CFDP1: variants seen among roughly 807,000 people sequenced by gnomAD.
The protein encoded by CFDP1 is chromatin remodeling protein CFDP1.
CFDP1 carries 31 observed loss-of-function variants against 40.1 expected under a neutral mutation model. The observed-to-expected ratio is 0.77, with a 90% CI of 0.58 to 1.04. The LOEUF is 1.04. CFDP1 is among the 50% of genes least tolerant of loss of function. CFDP1 has a pLI of 0.00. For missense variants in CFDP1, 423 were observed against 343.4 expected (o/e 1.23, Z -1.83); for synonymous variants, 167 against 120.0 (o/e 1.39, Z -2.56).
chr16:75,391,784 C>T (rs1018910114), intron 5 of CFDP1, among the ~76,000 whole-genome samples: 7 of 151,824 alleles, frequency 4.6e-5, no homozygotes, highest in African/African-American at 1.7e-4. Flanking sequence ...GCCTGGACAA[C>T]ATGGTGAAAC....
intron 5 of CFDP1, among the ~76,000 whole-genome samples, chr16:75,385,587 T>C (rs185583828): frequency 1.0e-3 from 159 of 152,214 alleles, no homozygotes; most frequent in South Asian, 1.4e-3. Flanking sequence ...GCATAGTACA[T>C]AGAAATATCA....
intron 5 of CFDP1, among the ~76,000 whole-genome samples, chr16:75,340,025 T>A (rs2078515747): frequency 6.6e-6 from 1 of 152,216 alleles, no homozygotes; most frequent in Non-Finnish European, 1.5e-5. Context: ...CTCATACTAG[T>A]TTTTGCATGC....
intron 1 of CFDP1, among the ~76,000 whole-genome samples, chr16:75,421,204 G>GA (rs1453144250): frequency 3.9e-5 from 6 of 152,150 alleles, no homozygotes; most frequent in Admixed American, 2.0e-4. Context: ...TGCAAGGCAG[G>GA]AAGCACAGCA....
intron 5 of CFDP1, among the ~76,000 whole-genome samples, chr16:75,310,270 A>T (rs953479737): frequency 1.3e-5 from 2 of 152,210 alleles, no homozygotes; most frequent in African/African-American, 4.8e-5. Flanking sequence ...ATACTGGTGA[A>T]AGAGACACTT....
intron 6 of CFDP1, among the ~76,000 whole-genome samples, chr16:75,303,422 T>C (rs991576394): frequency 6.6e-6 from 1 of 151,766 alleles, no homozygotes; most frequent in African/African-American, 2.4e-5. Context: ...TATGTATGTA[T>C]GTATGTTTAG....
intron 4 of CFDP1, among the ~76,000 whole-genome samples, chr16:75,401,531 C>T (rs567372146): frequency 6.6e-6 from 1 of 151,580 alleles, no homozygotes; most frequent in Non-Finnish European, 1.5e-5. Context: ...ACCCAGGAGG[C>T]AGAGGTTTCA....
intron 4 of CFDP1, among the ~76,000 whole-genome samples, chr16:75,400,072 G>A (rs2079036537): frequency 7.4e-6 from 1 of 134,522 alleles, no homozygotes; most frequent in African/African-American, 2.9e-5. Flanking sequence ...TTGCACTCCA[G>A]CCTGGGCAAC....
chr16:75,385,836 T>C (rs1346460836), intron 5 of CFDP1, among the ~76,000 whole-genome samples: 1 of 152,216 alleles, frequency 6.6e-6, no homozygotes, highest in Non-Finnish European at 1.5e-5. Flanking sequence ...AATCATCTTC[T>C]TAAATGAAGG....
intron 5 of CFDP1, among the ~76,000 whole-genome samples, chr16:75,380,817 A>T (rs1177689981): frequency 1.3e-5 from 2 of 152,204 alleles, no homozygotes; most frequent in Non-Finnish European, 2.9e-5. Flanking sequence ...CCACTTTTTA[A>T]AACCAGGTCA....
chr16:75,304,907 T>A (rs916303027), intron 6 of CFDP1, 117 bp downstream of exon 6: 11 of 1,104,538 alleles, frequency 1.0e-5, no homozygotes, highest in African/African-American at 1.6e-5. Context: ...GTGCTCACAT[T>A]TTTAGTTCCA....
At chr16:75,414,503 A>G in intron 2 of CFDP1, 75 bp downstream of exon 2, 1 of 871,032 alleles carries the variant, frequency 1.1e-6, no homozygotes, top group Non-Finnish European at 1.9e-6. Flanking sequence ...TAAATCTATC[A>G]TGAGACCAAT....
rs2079356412 is a variant in CFDP1 at position 75,427,649 on chromosome 16, T to C, written c.64+5640A>G. Among the ~76,000 whole-genome samples, 4 of 152,148 alleles carry C rather than the reference T, an allele frequency of 2.6e-5. No individual in the cohort carries two copies. The South Asian group carries it at 8.3e-4, about 32-fold the overall frequency. On this transcript the variant is annotated intron_variant, in intron 1 of 6. Coordinates refer to ENST00000283882, the MANE Select transcript of CFDP1 (RefSeq NM_006324.3). ...GAGCAACTTGAACTCTCAAACTTGT[T>C]ACCAACAGCAATCAAGCCACAAAAA...
At chr16:75,345,541 A>G (rs992707499) in intron 5 of CFDP1, among the ~76,000 whole-genome samples, 2 of 152,182 alleles carry the variant, frequency 1.3e-5, no homozygotes, top group Non-Finnish European at 2.9e-5. Context: ...TAAGAGGCTG[A>G]GCAAGAGGAA....
At chr16:75,320,666 A>T (rs960559336) in intron 5 of CFDP1, among the ~76,000 whole-genome samples, 1 of 152,294 alleles carries the variant, frequency 6.6e-6, no homozygotes, top group South Asian at 2.1e-4. Context: ...ATGGCCTTCC[A>T]GTCACCGTGA....
chr16:75,316,115 C>T (rs571014125), intron 5 of CFDP1, among the ~76,000 whole-genome samples: 41 of 152,172 alleles, frequency 2.7e-4, no homozygotes, highest in Non-Finnish European at 5.0e-4. Flanking sequence ...GCTGAGGATG[C>T]TAAATAGATG....
chr16:75,431,799 A>G (rs2079421770), intron 1 of CFDP1, among the ~76,000 whole-genome samples: 1 of 152,148 alleles, frequency 6.6e-6, no homozygotes, highest in Non-Finnish European at 1.5e-5. Flanking sequence ...CCTACTATAC[A>G]TGGGTTAAAT....
chr16:75,405,194 C>G (rs533002325), intron 4 of CFDP1, among the ~76,000 whole-genome samples: 1 of 152,082 alleles, frequency 6.6e-6, no homozygotes, highest in Non-Finnish European at 1.5e-5. Flanking sequence ...ATCAGTCACA[C>G]GCAGTAGGAC....
chr16:75,349,678 A>ATATATATAT (rs1567653462), intron 5 of CFDP1, among the ~76,000 whole-genome samples: 9 of 5,902 alleles, frequency 1.5e-3, no homozygotes, highest in African/African-American at 3.3e-3. Context: ...AAAAAAAAAA[A>ATATATATAT]AAAAAAAAAA....
At chr16:75,340,744 T>C (rs1396700515) in intron 5 of CFDP1, among the ~76,000 whole-genome samples, 1 of 152,238 alleles carries the variant, frequency 6.6e-6, no homozygotes, top group Non-Finnish European at 1.5e-5. Flanking sequence ...CTTCTGTTTT[T>C]CATCTGCTGA....
Sources: allele counts gnomAD v4.1 joint callset (sites outside exome capture counted in the v4.1 genomes callset), GRCh38; gene constraint gnomAD v4.1.1; transcripts MANE v1.5; gene names NCBI Gene and HGNC (gene_info 2026-07-23, HGNC 2026-07-21).